Variants in PAPPA observed in about 807,000 individuals in gnomAD.
The protein encoded by PAPPA is pappalysin 1, also known as pappalysin-1.
Under a neutral mutation model 164.0 loss-of-function variants are expected in PAPPA, and 60 were observed. The observed-to-expected ratio is 0.37, with a 90% CI of 0.30 to 0.45. PAPPA has a LOEUF of 0.45. PAPPA is among the 20% of genes least tolerant of loss of function. The pLI is 1.00. For synonymous variants in PAPPA, 875 were observed against 814.1 expected (o/e 1.07, Z -1.27); for missense variants, 1,782 against 2,087.3 (o/e 0.85, Z 2.85).
chr9:116,344,239 T>C (rs1846177287), intron 13 of PAPPA, among the ~76,000 whole-genome samples: 1 of 152,198 alleles, frequency 6.6e-6, no homozygotes, highest in South Asian at 2.1e-4. Flanking sequence ...ACTGTAATCA[T>C]GATGATCCCT....
At chr9:116,292,212 C>T (rs1002459533) in intron 9 of PAPPA, among the ~76,000 whole-genome samples, 1 of 152,162 alleles carries the variant, frequency 6.6e-6, no homozygotes, top group African/African-American at 2.4e-5. Flanking sequence ...TTGAACTCTT[C>T]CACATGAGAT....
At chr9:116,327,367 A>T (rs1045331743) in intron 10 of PAPPA, among the ~76,000 whole-genome samples, 5 of 152,142 alleles carry the variant, frequency 3.3e-5, no homozygotes, top group Non-Finnish European at 7.4e-5. Flanking sequence ...GGAAGGGGGA[A>T]AAGGTTAAGA....
intron 19 of PAPPA, among the ~76,000 whole-genome samples, chr9:116,374,766 T>C (rs1321721989): frequency 6.6e-6 from 1 of 152,174 alleles, no homozygotes; most frequent in Non-Finnish European, 1.5e-5. Context: ...CCAAATGCCC[T>C]CCAACATCTC....
In PAPPA at chr9:116,187,129, A is replaced by T; in HGVS notation, c.416-25A>T. On this transcript the variant is annotated intron_variant, in intron 1 of 21. Coordinates refer to ENST00000328252, the MANE Select transcript of PAPPA (RefSeq NM_002581.5). This position sits in a 1 kb window ranked among gnomAD's most constrained non-coding sequence, Gnocchi z 4.2. ...CTCCTTTTCCATCCTTTATTTATTC[A>T]TCTTTCTCTTTTGGGGCCACATAGG... 1 of 1,518,040 alleles carries T rather than the reference A, an allele frequency of 6.6e-7. No individual in the cohort carries two copies. The highest frequency in any genetic ancestry group is 2.3e-5 in the East Asian group (1 of 44,204). The allele number at this position is 1,518,040 out of a possible 1,614,324, so 94.0% of individuals were successfully genotyped here.
intron 20 of PAPPA, among the ~76,000 whole-genome samples, chr9:116,379,946 G>GTCTC (rs1846706093): frequency 1.3e-5 from 2 of 152,164 alleles, no homozygotes. Context: ...ATTGTTCCCT[G>GTCTC]TCTCTAGAAA....
chr9:116,353,415 C>T (rs575530766), intron 16 of PAPPA, among the ~76,000 whole-genome samples: 1 of 152,298 alleles, frequency 6.6e-6, no homozygotes, highest in East Asian at 1.9e-4. Context: ...TAGCTGGAAG[C>T]ATGACATTTC....
chr9:116,154,176 C>T lies in PAPPA; in HGVS notation c.4C>T (p.Arg2Trp), dbSNP rs1429584090. The T allele has an allele frequency of 2.4e-5, 36 of 1,481,766 alleles. No individual in the cohort carries two copies. The East Asian group carries it at 9.3e-4, about 38-fold the overall frequency. 91.8% of individuals were successfully genotyped at this position (1,481,766 alleles called of 1,614,324 possible). A position where few individuals can be genotyped will look rare whatever the true frequency, so the allele number is the denominator to read the frequency against. The change falls in exon 1 of 22, where the codon CGG becomes TGG. Residue 2 changes from arginine to tryptophan, a missense_variant. Around this residue, in one of 2 missense-constraint regions of PAPPA, gnomAD observed 458 missense variants for 430.3 expected, o/e 1.06. Transcript: ENST00000328252. This position sits in a 1 kb window ranked among gnomAD's most constrained non-coding sequence, Gnocchi z 5.2. ...GGGGCGGGGGGAACCGTCGGACATG[C>T]GGCTCTGGAGTTGGGTGCTGCACCT... M[R>W]LWSWVLHLGL...
intron 10 of PAPPA, chr9:116,318,418 A>T (rs984146156): frequency 9.2e-5 from 14 of 152,180 alleles, no homozygotes; most frequent in African/African-American, 3.4e-4. Context: ...TGCTAAATAA[A>T]TGTTGAATGA....
intron 11 of PAPPA, 39 bp downstream of exon 11, chr9:116,331,396 C>A: frequency 8.1e-7 from 1 of 1,234,054 alleles, no homozygotes; most frequent in Non-Finnish European, 1.2e-6. Context: ...TCTCCAGCAG[C>A]GAGCCACAGA....
chr9:116,312,986 G>A (rs1179993294), intron 10 of PAPPA, among the ~76,000 whole-genome samples: 2 of 151,204 alleles, frequency 1.3e-5, no homozygotes, highest in African/African-American at 4.9e-5. Flanking sequence ...GGGAGGCTGA[G>A]GCAGAAGAAT....
chr9:116,259,274 T>C (rs1254347394), intron 7 of PAPPA, among the ~76,000 whole-genome samples: 1 of 151,982 alleles, frequency 6.6e-6, no homozygotes, highest in Non-Finnish European at 1.5e-5. Context: ...ATTAAAGGAA[T>C]GTTTATTCAA....
chr9:116,336,179 T>C (rs996369767), intron 13 of PAPPA, among the ~76,000 whole-genome samples: 4 of 151,860 alleles, frequency 2.6e-5, no homozygotes, highest in African/African-American at 9.7e-5. Flanking sequence ...TTTTGTAGGC[T>C]ACCCAAGAGT....
intron 7 of PAPPA, among the ~76,000 whole-genome samples, chr9:116,242,128 T>C (rs1844743031): frequency 6.6e-6 from 1 of 152,054 alleles, no homozygotes; most frequent in Admixed American, 6.5e-5. Context: ...AAATGAAAAA[T>C]ATTATACTGC....
chr9:116,292,390 A>T (rs913632976), intron 9 of PAPPA, among the ~76,000 whole-genome samples: 11 of 152,182 alleles, frequency 7.2e-5, no homozygotes, highest in Admixed American at 2.0e-4. Flanking sequence ...TGTTGGCTTG[A>T]ACTAGGGTGG....
intron 6 of PAPPA, among the ~76,000 whole-genome samples, chr9:116,231,716 TGG>T (rs1844596600): frequency 8.8e-6 from 1 of 113,358 alleles, no homozygotes; most frequent in Non-Finnish European, 1.9e-5. Flanking sequence ...GATGGATGGA[TGG>T]ATAGTGTCTG....
intron 2 of PAPPA, among the ~76,000 whole-genome samples, chr9:116,202,240 G>A (rs1348537508): frequency 6.6e-6 from 1 of 152,158 alleles, no homozygotes; most frequent in Non-Finnish European, 1.5e-5. Flanking sequence ...CATTTTGAAT[G>A]TGGTTCCCTT....
rs1844730811 is a variant in PAPPA at position 116,241,169 on chromosome 9, C to T, written c.2732+5532C>T. ...GCTTTGAATACCCATCAATTAGAAACTTTAGTGCATTCATTAATTCACTTG... is the reference window on the plus strand; with the variant it reads ...GCTTTGAATACCCATCAATTAGAAATTTTAGTGCATTCATTAATTCACTTG... On this transcript the variant is annotated intron_variant, in intron 7 of 21. Transcript: ENST00000328252. 2.0e-5 allele frequency among the ~76,000 whole-genome samples: 3 copies of T among 152,268 alleles called. No homozygotes were observed. The South Asian group carries it at 6.2e-4, about 32-fold the overall frequency.
intron 7 of PAPPA, among the ~76,000 whole-genome samples, chr9:116,258,136 C>T (rs1844954060): frequency 6.6e-6 from 1 of 151,964 alleles, no homozygotes; most frequent in Non-Finnish European, 1.5e-5. Flanking sequence ...GACACAGTAT[C>T]ATAAAAATGC....
At position 116,362,678 on chromosome 9, in the gene PAPPA, C is replaced by T. The variant is rs777805501; in HGVS notation, c.4434C>T (p.Cys1478=). 6.2e-7 allele frequency: 1 copy of T among 1,614,086 alleles called. No homozygotes were observed. Among genetic ancestry groups the T allele is most frequent in the South Asian group, 1.1e-5 (1 of 91,058 alleles). The part of the protein sequence containing the change: ...FHVCQEMQGQ[C]SVPNELNSNL... Reference sequence around the variant, plus strand: ...TCTGCCAGGAGATGCAAGGCCAGTGCTCGGTTCCAAACGAGCTCAACAGCA... The same window carrying T: ...TCTGCCAGGAGATGCAAGGCCAGTGTTCGGTTCCAAACGAGCTCAACAGCA... Residue 1478 remains cysteine, a synonymous_variant, in exon 18 of 22, where the codon TGC becomes TGT. Transcript: ENST00000328252.
Sources: allele counts gnomAD v4.1 joint callset (sites outside exome capture counted in the v4.1 genomes callset), GRCh38; gene constraint gnomAD v4.1.1; regional missense constraint gnomAD v4.1.1; non-coding constraint Gnocchi (gnomAD v3.1); transcripts MANE v1.5; gene names NCBI Gene and HGNC (gene_info 2026-07-23, HGNC 2026-07-21).